NDE1: variants seen among roughly 807,000 people sequenced by gnomAD.
NDE1 encodes nudE neurodevelopment protein 1.
In NDE1, 28 loss-of-function variants were observed where a neutral mutation model predicts 43.4. The ratio of observed to expected loss-of-function variants is 0.65; its 90% CI spans 0.48 to 0.89. The LOEUF is 0.89. Ranked by LOEUF, NDE1 falls within the 40% of genes least tolerant of loss-of-function variation. NDE1 has a pLI of 0.00. For synonymous variants in NDE1, 184 were observed against 172.0 expected, an observed-to-expected ratio of 1.07 and a Z score of -0.55; for missense variants, 441 against 434.1, an observed-to-expected ratio of 1.02 and a Z score of -0.14.
At chr16:15,662,785 C>T (rs2037113495) in intron 1 of NDE1, among the ~76,000 whole-genome samples, 1 of 152,074 alleles carries the variant, frequency 6.6e-6, no homozygotes, top group Non-Finnish European at 1.5e-5. Context: ...CTCCATGTTA[C>T]CCAGGCTGGT....
intron 8 of NDE1, chr16:15,712,777 T>C (rs975782659): frequency 6.9e-6 from 1 of 145,712 alleles, no homozygotes; most frequent in African/African-American, 2.5e-5. Context: ...CTGCGTCACG[T>C]GCTGCTGCCC....
chr16:15,696,686 G>T (rs117247671), intron 7 of NDE1, 23 bp from the exon 8 acceptor site: 2 of 1,614,038 alleles, frequency 1.2e-6, no homozygotes, highest in Non-Finnish European at 1.7e-6. Context: ...TAACTTGAGA[G>T]ATAAAAGTGT....
chr16:15,665,882 G>A (rs941191215), intron 2 of NDE1, among the ~76,000 whole-genome samples: 14 of 151,356 alleles, frequency 9.2e-5, no homozygotes, highest in Non-Finnish European at 1.3e-4. Context: ...TCAGCCTCCC[G>A]AGTAGCTAGG....
intron 8 of NDE1, chr16:15,708,659 A>G (rs1365083912): frequency 3.5e-6 from 3 of 857,184 alleles, no homozygotes; most frequent in Non-Finnish European, 5.8e-6. Flanking sequence ...AGCTTTGCAC[A>G]AAGATATCCA....
At chr16:15,702,538 C>T (rs994543768) in intron 8 of NDE1, among the ~76,000 whole-genome samples, 36 of 151,594 alleles carry the variant, frequency 2.4e-4, no homozygotes, top group Middle Eastern at 3.4e-3. Context: ...TACAGGTGTG[C>T]ACTATCCTGC....
At chr16:15,718,275 A>G in intron 8 of NDE1, 1 of 1,605,462 alleles carries the variant, frequency 6.2e-7, no homozygotes, top group Non-Finnish European at 8.5e-7. Flanking sequence ...TGCAGGAGAG[A>G]CAGTAGGCAG....
chr16:15,664,101 A>C (rs983827156), intron 1 of NDE1, among the ~76,000 whole-genome samples: 1 of 151,598 alleles, frequency 6.6e-6, no homozygotes, highest in Non-Finnish European at 1.5e-5. Context: ...TTTATGCGTA[A>C]TTTCCATTCC....
At chr16:15,664,136 ACC>A (rs2037185363) in intron 1 of NDE1, among the ~76,000 whole-genome samples, 1 of 151,980 alleles carries the variant, frequency 6.6e-6, no homozygotes, top group African/African-American at 2.4e-5. Context: ...CACTCCCTCC[ACC>A]AGACTGTGAG....
At position 15,694,198 on chromosome 16, in the gene NDE1, C is replaced by T. The variant is rs775774594; in HGVS notation, c.737C>T (p.Thr246Ile). The change falls in exon 7 of 9, where the codon ACA becomes ATA. Residue 246 changes from threonine to isoleucine, a missense_variant. By Grantham distance (89) the Thr-to-Ile change is moderately conservative. Transcript: ENST00000396354. ...GACTCCACCGGGGGGACCCCCCTCA[C>T]ACCTGCGGCCCGGATATCAGCCCTC... ...LDDSTGGTPL[T>I]PAARISALNI... 6.2e-7 allele frequency: 1 copy of T among 1,613,260 alleles called. No individual in the cohort carries two copies. Among genetic ancestry groups the T allele is most frequent in the South Asian group, 1.1e-5 (1 of 91,024 alleles).
rs371185969 is a variant in NDE1, at chr16:15,667,350, T to C, written c.148T>C (p.Leu50=). 3.7e-6 allele frequency: 6 copies of C among 1,613,790 alleles called. No homozygotes were observed. Among genetic ancestry groups the C allele is most frequent in the Non-Finnish European group, 5.1e-6 (6 of 1,179,984 alleles). Residue 50 remains leucine (L), a synonymous_variant, in exon 3 of 9, where the codon TTG becomes CTG. Transcript: ENST00000396354. The stretch of plus-strand genomic sequence containing the variant: ...GGGAAGCCGAGAATATGAAGCTGAA[T>C]TGGAGACGCAGCTGCAACAAATTGA... ...QEGSREYEAE[L]ETQLQQIETR...
chr16:15,688,224 C>T (rs1247363753), intron 5 of NDE1, among the ~76,000 whole-genome samples: 6 of 151,944 alleles, frequency 3.9e-5, no homozygotes, highest in African/African-American at 1.5e-4. Context: ...GAATTGCCAG[C>T]TAGCCTATTA....
chr16:15,688,702 T>TTTTTTTTTTTA (rs2038576480), intron 5 of NDE1, among the ~76,000 whole-genome samples: 1 of 106,968 alleles, frequency 9.3e-6, no homozygotes, highest in Non-Finnish European at 2.0e-5. Flanking sequence ...TTTTTTTTTT[T>TTTTTTTTTTTA]TTTTTTTTTT....
intron 6 of NDE1, among the ~76,000 whole-genome samples, chr16:15,693,003 CTTT>C (rs570029318): frequency 4.6e-5 from 6 of 130,868 alleles, no homozygotes; most frequent in African/African-American, 8.4e-5. Flanking sequence ...TTCTTTCTCT[CTTT>C]TTTTTTTTTT....
intron 8 of NDE1, among the ~76,000 whole-genome samples, chr16:15,711,434 A>G (rs983292755): frequency 6.6e-6 from 1 of 152,176 alleles, no homozygotes; most frequent in African/African-American, 2.4e-5. Context: ...CAATAGCTAG[A>G]TATTGAACTT....
intron 3 of NDE1, 66 bp downstream of exon 3, chr16:15,667,505 G>A (rs1017566241): frequency 6.3e-7 from 1 of 1,587,876 alleles, no homozygotes. Context: ...GGCATGCTTG[G>A]CTGGAAGAAG....
chr16:15,694,307 A>C, intron 7 of NDE1, 51 bp downstream of exon 7: 1 of 1,598,320 alleles, frequency 6.3e-7, no homozygotes, highest in Non-Finnish European at 8.5e-7. Flanking sequence ...GTCTTTCAGG[A>C]TGTGTGAAGG....
At chr16:15,652,418 A>G (rs991471984) in intron 1 of NDE1, among the ~76,000 whole-genome samples, 1 of 152,198 alleles carries the variant, frequency 6.6e-6, no homozygotes, top group African/African-American at 2.4e-5. Context: ...ATTTCCTAAC[A>G]TGAGCATTCC....
At chr16:15,659,066 G>T (rs188191632) in intron 1 of NDE1, among the ~76,000 whole-genome samples, 19 of 152,240 alleles carry the variant, frequency 1.2e-4, no homozygotes, top group African/African-American at 4.6e-4. Flanking sequence ...ATGAGGGAAA[G>T]GATTGAAAAA....
chr16:15,717,173 G>T, intron 8 of NDE1: 1 of 1,614,210 alleles, frequency 6.2e-7, no homozygotes, highest in Non-Finnish European at 8.5e-7. Context: ...CTCCAGCTGT[G>T]CAATCTTGGC....
Sources: gnomAD v4.1 joint callset for allele counts (sites outside exome capture counted in the v4.1 genomes callset) on GRCh38, gnomAD v4.1.1 for gene constraint, MANE v1.5 for transcripts, NCBI Gene and HGNC (gene_info 2026-07-23, HGNC 2026-07-21) for gene names.